Variants in KHDC1 observed in about 807,000 individuals in gnomAD.
The protein encoded by KHDC1 is KH domain containing 1.
A neutral mutation model predicts 24.7 loss-of-function variants in KHDC1; 21 were observed. The ratio of observed to expected loss-of-function variants is 0.85; its 90% CI spans 0.60 to 1.23. The LOEUF (loss-of-function observed/expected upper bound fraction) is 1.23. Ranked by LOEUF, KHDC1 falls within the 50% of genes most tolerant of loss-of-function variation. KHDC1 has a pLI of 0.00. For missense variants in KHDC1, 274 were observed against 298.5 expected (o/e 0.92, Z 0.61); for synonymous variants, 98 against 111.7 (o/e 0.88, Z 0.77).
chr6:73,283,070 C>T (rs1344068647), intron 2 of KHDC1, among the ~76,000 whole-genome samples: 2 of 152,178 alleles, frequency 1.3e-5, no homozygotes, highest in African/African-American at 2.4e-5. Context: ...TTATGTTGAC[C>T]TTGATCATCA....
chr6:73,266,637 G>T (rs556388618), intron 2 of KHDC1, among the ~76,000 whole-genome samples: 2 of 152,296 alleles, frequency 1.3e-5, no homozygotes, highest in East Asian at 3.9e-4. Flanking sequence ...GTGGATCAAA[G>T]ACCTAAATGT....
chr6:73,279,768 C>T, intron 2 of KHDC1, among the ~76,000 whole-genome samples: 1 of 151,946 alleles, frequency 6.6e-6, no homozygotes, highest in East Asian at 1.9e-4. Flanking sequence ...TTCGTAGAGA[C>T]AGAGTTTTGC....
exon 1 of KHDC1, chr6:73,309,809 G>A (rs1419163842): frequency 3.4e-5 from 48 of 1,417,288 alleles, no homozygotes; most frequent in Non-Finnish European, 4.2e-5. Flanking sequence ...GAAGAGACCA[G>A]ACACCGACGG....
intron 2 of KHDC1, among the ~76,000 whole-genome samples, chr6:73,255,275 A>G (rs1394479135): frequency 7.1e-6 from 1 of 140,600 alleles, no homozygotes; most frequent in Admixed American, 7.4e-5. Context: ...GCTGGAGTGC[A>G]GTAGTGAGAC....
intron 1 of KHDC1, chr6:73,292,167 C>T (rs970696109): frequency 1.9e-6 from 3 of 1,538,960 alleles, no homozygotes; most frequent in Non-Finnish European, 2.7e-6. Context: ...ATTCCTCATG[C>T]TTTGAAAGAG....
chr6:73,293,410 C>T (rs150319491), intron 1 of KHDC1: 2 of 362,914 alleles, frequency 5.5e-6, no homozygotes, highest in African/African-American at 2.1e-5. Flanking sequence ...ATAAAATTGA[C>T]TGATTCAAAA....
intron 2 of KHDC1, among the ~76,000 whole-genome samples, chr6:73,283,225 A>G (rs949991189): frequency 6.6e-6 from 1 of 152,214 alleles, no homozygotes; most frequent in Non-Finnish European, 1.5e-5. Context: ...ATAAGGACAG[A>G]GTACCTACAT....
intron 1 of KHDC1, among the ~76,000 whole-genome samples, chr6:73,301,907 G>A (rs1272993328): frequency 6.6e-6 from 1 of 152,068 alleles, no homozygotes; most frequent in Admixed American, 6.6e-5. Flanking sequence ...GGCACTACAG[G>A]CATCAGCCAC....
chr6:73,262,887 T>G, intron 2 of KHDC1: 3 of 986,630 alleles, frequency 3.0e-6, no homozygotes, highest in Non-Finnish European at 3.6e-6. Flanking sequence ...AGCATCTCAG[T>G]GATGCCGCCG....
Position 73,242,405 on chromosome 6 carries a change from C to T in KHDC1, c.331+1G>A, listed in dbSNP as rs1051314931. 3.1e-6 allele frequency: 5 copies of T among 1,614,022 alleles called. No individual in the cohort carries two copies. In the South Asian group the frequency reaches 5.5e-5, roughly 18 times the overall value. On this transcript the variant is annotated splice_donor_variant, in intron 3 of 4. Transcript: ENST00000370384. LOFTEE classifies it high-confidence loss of function. ...AGGGGACGTGGGCAAAGGCCACTCA[C>T]CGAAGATGAGCTCCTCCTGGTCCTC...
intron 2 of KHDC1, among the ~76,000 whole-genome samples, chr6:73,244,767 T>C (rs796754400): frequency 5.3e-5 from 8 of 152,066 alleles, no homozygotes; most frequent in African/African-American, 7.2e-5. Flanking sequence ...ACTTCATCTT[T>C]ACTAAAAACT....
chr6:73,250,901 G>A (rs538365993), intron 2 of KHDC1, among the ~76,000 whole-genome samples: 7 of 152,264 alleles, frequency 4.6e-5, no homozygotes, highest in Non-Finnish European at 8.8e-5. Context: ...GTGCAGTGGT[G>A]CAATCTTGGC....
intron 2 of KHDC1, among the ~76,000 whole-genome samples, chr6:73,280,706 G>T (rs1011608060): frequency 6.6e-6 from 1 of 151,202 alleles, no homozygotes; most frequent in African/African-American, 2.4e-5. Context: ...TTTTAGTAGC[G>T]ATGGGGTTTC....
intron 4 of KHDC1, 141 bp downstream of exon 3, chr6:73,241,914 C>G: frequency 9.2e-7 from 1 of 1,089,474 alleles, no homozygotes; most frequent in Non-Finnish European, 1.3e-6. Context: ...AAAAGATGAG[C>G]ACTTTTCTTC....
intron 2 of KHDC1, chr6:73,269,977 T>C (rs1767151423): frequency 6.6e-6 from 1 of 152,156 alleles, no homozygotes; most frequent in Non-Finnish European, 1.5e-5. Context: ...GGTCTCACCA[T>C]CTTGCCCAGG....
At chr6:73,309,793 C>A in exon 1 of KHDC1, 1 of 1,489,628 alleles carries the variant, frequency 6.7e-7, no homozygotes, top group Non-Finnish European at 9.0e-7. Context: ...CAGAGCCCGC[C>A]GGCGGGAAGA....
intron 2 of KHDC1, among the ~76,000 whole-genome samples, chr6:73,280,751 C>T (rs1011544923): frequency 1.3e-5 from 2 of 151,870 alleles, no homozygotes; most frequent in Non-Finnish European, 2.9e-5. Flanking sequence ...AACTCCAGAC[C>T]TCAGGTGACC....
At chr6:73,277,332 G>A (rs12210588) in intron 2 of KHDC1, among the ~76,000 whole-genome samples, 11,581 of 152,154 alleles carry the variant, frequency 0.076, 500 homozygotes, top group Non-Finnish European at 0.091. Flanking sequence ...AGGCATGTTG[G>A]CATGCGCCTA....
At chr6:73,293,225 A>G (rs2150735408) in intron 1 of KHDC1, 12 of 675,622 alleles carry the variant, frequency 1.8e-5, no homozygotes, top group Middle Eastern at 7.5e-4. Flanking sequence ...CTTAATGACA[A>G]TAGCAGGTCA....
Sources: gnomAD v4.1 joint callset for allele counts (sites outside exome capture counted in the v4.1 genomes callset) on GRCh38, gnomAD v4.1.1 for gene constraint, MANE v1.5 for transcripts, NCBI Gene and HGNC (gene_info 2026-07-23, HGNC 2026-07-21) for gene names.